COG3: variants seen among roughly 807,000 people sequenced by gnomAD.
COG3 encodes conserved oligomeric Golgi complex subunit 3.
Under a neutral mutation model 114.1 loss-of-function variants are expected in COG3, and 32 were observed. That is an observed-to-expected ratio of 0.28 (90% confidence interval 0.21 to 0.38). The LOEUF (loss-of-function observed/expected upper bound fraction) is 0.38. Ranked by LOEUF, COG3 falls within the 10% of genes least tolerant of loss-of-function variation. COG3 has a pLI of 1.00. For missense variants in COG3, 813 were observed against 973.2 expected, an observed-to-expected ratio of 0.84 and a Z score of 2.19; for synonymous variants, 352 against 365.7, an observed-to-expected ratio of 0.96 and a Z score of 0.43.
chr13:45,523,007 A>G (rs1872326907), intron 19 of COG3, among the ~76,000 whole-genome samples: 2 of 151,466 alleles, frequency 1.3e-5, no homozygotes, highest in Non-Finnish European at 3.0e-5. Context: ...TCATATGTGT[A>G]TCTGTAAAGT....
At chr13:45,504,895 A>G (rs1394519081) in intron 14 of COG3, among the ~76,000 whole-genome samples, 1 of 152,194 alleles carries the variant, frequency 6.6e-6, no homozygotes, top group East Asian at 1.9e-4. Flanking sequence ...GATATAAGGA[A>G]TGGAAAACAG....
chr13:45,491,446 T>G lies in COG3; in HGVS notation c.1003T>G (p.Tyr335Asp). 6.2e-7 allele frequency: 1 copy of G among 1,613,464 alleles called. No individual in the cohort carries two copies. Reference protein sequence around the residue: ...QQLLNDIHQCYLDQRELLLGP... With the variant: ...QQLLNDIHQCDLDQRELLLGP... ...ACTGCTAAATGATATCCACCAGTGTTACCTTGATCAGCGGGAGCTCCTTTT... is the reference window on the plus strand; with the variant it reads ...ACTGCTAAATGATATCCACCAGTGTGACCTTGATCAGCGGGAGCTCCTTTT... Residue 335 changes from tyrosine (Y) to aspartate (D), a missense_variant, in exon 10 of 23, where the codon TAC (tyrosine) becomes GAC (aspartate). Tyr to Asp is a radical substitution (Grantham distance 160). Coordinates refer to ENST00000349995, the MANE Select transcript of COG3 (RefSeq NM_031431.4).
intron 22 of COG3, chr13:45,531,013 T>G: frequency 1.7e-6 from 2 of 1,147,224 alleles, no homozygotes; most frequent in Non-Finnish European, 1.1e-6. Context: ...CTTTCTGATA[T>G]GAATATTGCT....
At chr13:45,479,406 C>G (rs570083195) in intron 3 of COG3, among the ~76,000 whole-genome samples, 2 of 152,264 alleles carry the variant, frequency 1.3e-5, no homozygotes, top group South Asian at 4.1e-4. Context: ...CCCTGAAAGA[C>G]TTTCAGGATG....
At chr13:45,496,463 A>G in intron 13 of COG3, 151 bp downstream of exon 13, 2 of 489,656 alleles carry the variant, frequency 4.1e-6, no homozygotes, top group Non-Finnish European at 3.0e-6. Context: ...CAAGTGATCC[A>G]CCTGCCTCGG....
intron 17 of COG3, 84 bp from the exon 18 acceptor site, chr13:45,518,678 G>A: frequency 9.9e-7 from 1 of 1,005,956 alleles, no homozygotes; most frequent in Non-Finnish European, 1.5e-6. Context: ...TTTGCCTTGT[G>A]GTGGTAGAGA....
rs1258386370 is a variant in COG3, at chr13:45,486,317, ACGGGAGACGGGAGACGGGAGAC to A, written c.844-177_844-156del. On this transcript the variant is annotated intron_variant, in intron 7 of 22. Transcript: ENST00000349995. The stretch of plus-strand genomic sequence containing the variant: ...GGAGACGGGAGACGGGAGACGGGAG[ACGGGAGACGGGAGACGGGAGAC>A]GGGAGAGGGAGAGGGAGAGGGAGAG... Among the ~76,000 whole-genome samples, 51 of 39,286 alleles carry A rather than the reference ACGGGAGACGGGAGACGGGAGAC, an allele frequency of 1.3e-3. 3 individuals carry two copies. Among genetic ancestry groups the A allele is most frequent in the Admixed American group, 5.2e-3 (17 of 3,248 alleles). 25.8% of individuals were successfully genotyped at this position (39,286 alleles called of 152,430 possible).
rs981617711 is a variant in COG3 at position 45,536,422 on chromosome 13, C to T, written c.*1691C>T. The T allele has an allele frequency of 2.0e-5, 3 of 152,184 alleles. No homozygotes were observed. Among genetic ancestry groups the T allele is most frequent in the East Asian group, 1.9e-4 (1 of 5,206 alleles). The allele number at this position is 152,184 out of a possible 1,614,324, so 9.4% of individuals were successfully genotyped here. On this transcript the variant is annotated 3_prime_UTR_variant, in exon 23 of 23. Transcript: ENST00000349995. ...ATCTTTTATTTCTGAAACACTCAAA[C>T]ACCTTACAAAGTGCTGAGTAGGTAA...
At position 45,493,369 on chromosome 13, in the gene COG3, G is replaced by A. The variant is rs151161679; in HGVS notation, c.1210G>A (p.Val404Met). 6.2e-7 allele frequency: 1 copy of A among 1,612,042 alleles called. No individual in the cohort carries two copies. The highest frequency in any genetic ancestry group is 1.7e-5 in the Admixed American group (1 of 59,908). The change falls in exon 12 of 23, where the codon GTG becomes ATG. Residue 404 changes from valine to methionine, a missense_variant. Transcript: ENST00000349995. ...KLDELLEKLC[V>M]SLYDVFRPLI... ...TAGTGAGCTTTTGGAGAAACTGTGTGTGTCATTGTATGATGTCTTCAGGCC... is the reference window on the plus strand; with the variant it reads ...TAGTGAGCTTTTGGAGAAACTGTGTATGTCATTGTATGATGTCTTCAGGCC...
intron 14 of COG3, 89 bp downstream of exon 14, chr13:45,503,438 C>A: frequency 1.4e-6 from 1 of 715,634 alleles, no homozygotes; most frequent in South Asian, 1.7e-5. Context: ...ACATGAAAAA[C>A]AACTTGTGCC....
Position 45,533,623 on chromosome 13 carries a change from A to T in COG3, c.2458-1079A>T, listed in dbSNP as rs116217399. On this transcript the variant is annotated intron_variant, in intron 22 of 22. Transcript: ENST00000349995. ...AGTGTCTAATTCACAGTTCATACAC[A>T]CATTTCATCAGAGTCCCGGTACCGT... is the stretch of plus-strand genomic sequence containing the variant. 3.4e-3 allele frequency among the ~76,000 whole-genome samples: 522 copies of T among 152,324 alleles called. 5 individuals carry two copies. Among genetic ancestry groups the T allele is most frequent in the African/African-American group, 0.012 (509 of 41,568 alleles).
At chr13:45,514,905 C>G (rs1393691305) in intron 16 of COG3, among the ~76,000 whole-genome samples, 1 of 152,134 alleles carries the variant, frequency 6.6e-6, no homozygotes, top group Admixed American at 6.6e-5. Flanking sequence ...GTCTCGGCCT[C>G]CCAAAGTGCT....
At chr13:45,503,685 AAGAT>A (rs1259323265) in intron 14 of COG3, among the ~76,000 whole-genome samples, 2 of 152,194 alleles carry the variant, frequency 1.3e-5, no homozygotes, top group East Asian at 1.9e-4. Flanking sequence ...AAGTTTGTTT[AAGAT>A]AGATAGAATA....
chr13:45,482,366 CT>C lies in COG3; in HGVS notation c.625-10del, dbSNP rs757160290. On this transcript the variant is annotated splice_polypyrimidine_tract_variant and intron_variant, in intron 5 of 22. Transcript: ENST00000349995. ...ATTTTTTATGAATTAAGATTGTTTT[CT>C]TTTTCTCTTAAAGAAATTGAATTCC... 2 of 1,338,476 alleles carry C rather than the reference CT, an allele frequency of 1.5e-6. No individual in the cohort carries two copies. The highest frequency in any genetic ancestry group is 2.3e-5 in the East Asian group (1 of 42,600). The allele number at this position is 1,338,476 out of a possible 1,614,324, so 82.9% of individuals were successfully genotyped here.
chr13:45,528,361 C>G (rs1387442421), intron 20 of COG3, among the ~76,000 whole-genome samples: 1 of 152,058 alleles, frequency 6.6e-6, no homozygotes. Context: ...TGTGGACTCG[C>G]CTGTATTCTT....
Position 45,465,135 on chromosome 13 carries a change from G to T in COG3, c.99G>T (p.Ala33=), listed in dbSNP as rs1885048980. The change falls in exon 1 of 23, where the codon GCG becomes GCT. Residue 33 remains alanine (A), a synonymous_variant. Transcript: ENST00000349995. ...ALWDRRPDTT[A]PLTDRQTDSV... The stretch of plus-strand genomic sequence containing the variant: ...GGGATCGGAGACCGGACACGACGGC[G>T]CCGCTGACCGACAGGCAGACGGACT... The T allele has an allele frequency of 6.2e-7, 1 of 1,613,422 alleles. No individual in the cohort carries two copies. Among genetic ancestry groups the T allele is most frequent in the African/African-American group, 1.3e-5 (1 of 74,942 alleles).
At chr13:45,511,261 TG>T (rs1195792656) in intron 15 of COG3, among the ~76,000 whole-genome samples, 1 of 152,244 alleles carries the variant, frequency 6.6e-6, no homozygotes, top group Non-Finnish European at 1.5e-5. Context: ...CTATTTTATT[TG>T]TCAGTCCCCT....
At chr13:45,516,836 G>T (rs941563471) in intron 17 of COG3, among the ~76,000 whole-genome samples, 2 of 152,110 alleles carry the variant, frequency 1.3e-5, no homozygotes, top group Non-Finnish European at 2.9e-5. Flanking sequence ...CATTAAGACC[G>T]AAAAGGAATG....
At chr13:45,503,589 G>C (rs1453340713) in intron 14 of COG3, among the ~76,000 whole-genome samples, 1 of 152,200 alleles carries the variant, frequency 6.6e-6, no homozygotes. Flanking sequence ...GATGAGCTCT[G>C]AGTGTGGGAA....
Sources: gnomAD v4.1 joint callset for allele counts (sites outside exome capture counted in the v4.1 genomes callset) on GRCh38, gnomAD v4.1.1 for gene constraint, MANE v1.5 for transcripts, NCBI Gene and HGNC (gene_info 2026-07-23, HGNC 2026-07-21) for gene names.